The following WDR41 variants were observed in gnomAD, a reference collection of about 807,000 sequenced individuals.
WDR41 encodes the protein WD repeat domain 41.
A neutral mutation model predicts 69.3 loss-of-function variants in WDR41; 63 were observed. That is an observed-to-expected ratio of 0.91 (90% CI 0.74 to 1.12). The LOEUF (loss-of-function observed/expected upper bound fraction) is 1.12. WDR41 is among the 50% of genes most tolerant of loss of function. WDR41 has a pLI of 0.00. For missense variants in WDR41, 543 were observed against 534.5 expected (o/e 1.02, Z -0.16); for synonymous variants, 185 against 192.1 (o/e 0.96, Z 0.31).
Position 77,436,736 on chromosome 5 carries a change from T to A in WDR41, c.1094-342A>T, listed in dbSNP as rs551002768. On this transcript the variant is annotated intron_variant, in intron 11 of 12. Coordinates refer to ENST00000296679, the MANE Select transcript of WDR41 (RefSeq NM_018268.4). ...AAAACTCAGATCAACAAACAAGGCA[T>A]AGGGGAAAAGCTGTATATGTATGTG... 3.3e-5 allele frequency among the ~76,000 whole-genome samples: 5 copies of A among 152,224 alleles called. No individual in the cohort carries two copies. In the East Asian group the frequency reaches 9.7e-4, roughly 29 times the overall value.
intron 2 of WDR41, among the ~76,000 whole-genome samples, chr5:77,469,998 G>A (rs1246772856): frequency 6.6e-6 from 1 of 150,698 alleles, no homozygotes; most frequent in African/African-American, 2.5e-5. Context: ...AAGTTGAAAT[G>A]AAGGAAAAAA....
rs1799613023 is a variant in WDR41, at chr5:77,451,160, C to G, written c.586+131G>C. 3 of 784,910 alleles carry G rather than the reference C, an allele frequency of 3.8e-6. No individual in the cohort carries two copies. The South Asian group carries it at 5.3e-5, about 14-fold the overall frequency. The allele number at this position is 784,910 out of a possible 1,614,324, so 48.6% of individuals were successfully genotyped here. A position where few individuals can be genotyped will look rare whatever the true frequency, so the allele number is the denominator to read the frequency against. ...TGAAAATGTCTTAGTCTCTGTATCA[C>G]TTCAACAATCCCAAGAAGCCAAGAG... On this transcript the variant is annotated intron_variant, in intron 7 of 12. Coordinates refer to ENST00000296679, the MANE Select transcript of WDR41 (RefSeq NM_018268.4).
chr5:77,467,841 A>G (rs573601063), intron 2 of WDR41, among the ~76,000 whole-genome samples: 5 of 152,134 alleles, frequency 3.3e-5, no homozygotes, highest in Admixed American at 6.5e-5. Context: ...AAAAATAGAA[A>G]CTTAAAAATT....
chr5:77,612,478 G>C (rs1744580855), intron 1 of WDR41, among the ~76,000 whole-genome samples: 1 of 152,130 alleles, frequency 6.6e-6, no homozygotes, highest in Non-Finnish European at 1.5e-5. Flanking sequence ...GGGATGCAAG[G>C]CTGGTTCAAT....
At position 77,463,194 on chromosome 5, in the gene WDR41, G is replaced by A. The variant is rs200820025; in HGVS notation, c.249C>T (p.His83=). The A allele has an allele frequency of 4.3e-5, 70 of 1,611,730 alleles. No individual in the cohort carries two copies. Among genetic ancestry groups the A allele is most frequent in the Non-Finnish European group, 5.5e-5 (65 of 1,178,984 alleles). ...TAATAATAGCTGTTATCTTTTGAGT[G>A]TGTCCATTCAGTTCTAAAAGTTTTT... ...TGEKLLELNG[H]TQKITAIITF... Residue 83 remains histidine, a synonymous_variant, in exon 4 of 13, where the codon CAC becomes CAT. Coordinates refer to ENST00000296679, the MANE Select transcript of WDR41 (RefSeq NM_018268.4).
At chr5:77,572,984 A>G (rs1041611519) in intron 1 of WDR41, among the ~76,000 whole-genome samples, 14 of 152,218 alleles carry the variant, frequency 9.2e-5, no homozygotes, top group African/African-American at 3.1e-4. Flanking sequence ...CCTTCTTCAA[A>G]TCTCCCTCTC....
intron 1 of WDR41, among the ~76,000 whole-genome samples, chr5:77,556,055 CA>C (rs1406238360): frequency 1.4e-5 from 2 of 144,304 alleles, no homozygotes; most frequent in Non-Finnish European, 3.0e-5. Context: ...AACCCAGAAA[CA>C]GGTTTGATTT....
chr5:77,479,545 C>A (rs1303480771), intron 2 of WDR41, among the ~76,000 whole-genome samples: 1 of 152,088 alleles, frequency 6.6e-6, no homozygotes, highest in Non-Finnish European at 1.5e-5. Flanking sequence ...TGATCTTTGA[C>A]AAACCTGACA....
intron 1 of WDR41, among the ~76,000 whole-genome samples, chr5:77,502,674 G>A (rs10070806): frequency 0.55 from 83,211 of 152,084 alleles, 24,218 homozygotes; most frequent in African/African-American, 0.73. Context: ...CGGATCACTC[G>A]GGAGAAACCC....
At chr5:77,576,796 G>T (rs193114175) in intron 1 of WDR41, among the ~76,000 whole-genome samples, 3 of 151,972 alleles carry the variant, frequency 2.0e-5, no homozygotes, top group African/African-American at 4.8e-5. Context: ...CTCCCTGCTC[G>T]CTCCTATCAT....
intron 1 of WDR41, among the ~76,000 whole-genome samples, chr5:77,616,546 A>G (rs1744684529): frequency 6.6e-6 from 1 of 152,200 alleles, no homozygotes; most frequent in South Asian, 2.1e-4. Flanking sequence ...GTGGTAAGAC[A>G]CTTGCTCTCC....
chr5:77,567,450 T>A (rs915461288), intron 1 of WDR41, among the ~76,000 whole-genome samples: 3 of 152,086 alleles, frequency 2.0e-5, no homozygotes, highest in Non-Finnish European at 2.9e-5. Flanking sequence ...GAAGGCTGGC[T>A]GATGCTGAGG....
intron 1 of WDR41, among the ~76,000 whole-genome samples, chr5:77,604,791 A>G (rs1744386392): frequency 1.3e-5 from 2 of 152,212 alleles, no homozygotes; most frequent in South Asian, 4.1e-4. Flanking sequence ...TACATGAAAT[A>G]CTACATAACT....
intron 1 of WDR41, among the ~76,000 whole-genome samples, chr5:77,574,493 A>C (rs1367809133): frequency 6.6e-6 from 1 of 152,084 alleles, no homozygotes; most frequent in Non-Finnish European, 1.5e-5. Flanking sequence ...TAAGCCAATA[A>C]ACACTATGTA....
chr5:77,433,073 T>TCAGAGTAGTACCCGATATTTGATGTTCAA lies in WDR41; in HGVS notation c.*33_*61dup. 6.7e-7 allele frequency: 1 copy of TCAGAGTAGTACCCGATATTTGATGTTCAA among 1,492,836 alleles called. No individual in the cohort carries two copies. Among genetic ancestry groups the TCAGAGTAGTACCCGATATTTGATGTTCAA allele is most frequent in the Middle Eastern group, 2.2e-4 (1 of 4,618 alleles). The allele number at this position is 1,492,836 out of a possible 1,614,324, so 92.5% of individuals were successfully genotyped here. A position where few individuals can be genotyped will look rare whatever the true frequency, so the allele number is the denominator to read the frequency against. Reference sequence around the variant, plus strand: ...TAAGTGATCAATATATTAATGGTTTTCAGAGTAGTACCCGATATTTGATGT... The same window carrying TCAGAGTAGTACCCGATATTTGATGTTCAA: ...TAAGTGATCAATATATTAATGGTTTTCAGAGTAGTACCCGATATTTGATGTTCAACAGAGTAGTACCCGATATTTGATGT... On this transcript the variant is annotated 3_prime_UTR_variant, in exon 13 of 13. Transcript: ENST00000296679.
At chr5:77,583,137 T>A (rs1743971780) in intron 1 of WDR41, 4 of 1,346,812 alleles carry the variant, frequency 3.0e-6, no homozygotes, top group Middle Eastern at 2.5e-4. Flanking sequence ...TCTACCATGA[T>A]TATTTTTCTA....
At chr5:77,468,433 C>T (rs182363193) in intron 2 of WDR41, among the ~76,000 whole-genome samples, 1 of 152,284 alleles carries the variant, frequency 6.6e-6, no homozygotes, top group East Asian at 1.9e-4. Context: ...TCTCTTTGAA[C>T]ATCTCTGAGA....
intron 1 of WDR41, among the ~76,000 whole-genome samples, chr5:77,593,750 C>G (rs1332983272): frequency 1.3e-5 from 2 of 152,078 alleles, no homozygotes; most frequent in African/African-American, 4.8e-5. Flanking sequence ...AGTGATGGAG[C>G]AAGGCCTAGA....
chr5:77,455,046 A>T (rs1049338416), intron 5 of WDR41, among the ~76,000 whole-genome samples: 2 of 152,192 alleles, frequency 1.3e-5, no homozygotes, highest in African/African-American at 4.8e-5. Flanking sequence ...GCTGGGTCAA[A>T]TGATAATTCT....
Sources: gnomAD v4.1 joint callset for allele counts (sites outside exome capture counted in the v4.1 genomes callset) on GRCh38, gnomAD v4.1.1 for gene constraint, MANE v1.5 for transcripts, NCBI Gene and HGNC (gene_info 2026-07-23, HGNC 2026-07-21) for gene names.